The following ANKRD16 variants were observed in gnomAD, a reference collection of about 807,000 sequenced individuals.
ANKRD16 encodes the protein ankyrin repeat domain-containing protein 16.
Under a neutral mutation model 37.9 loss-of-function variants are expected in ANKRD16, and 35 were observed. That is an observed-to-expected ratio of 0.92 (90% CI 0.71 to 1.23). ANKRD16 has a LOEUF of 1.23. Among genes scored for constraint, ANKRD16 ranks in the 50% most tolerant of loss-of-function variants. The pLI is 0.00. For synonymous variants in ANKRD16, 206 were observed against 197.2 expected, an observed-to-expected ratio of 1.04 and a Z score of -0.37; for missense variants, 480 against 469.9, an observed-to-expected ratio of 1.02 and a Z score of -0.20.
At chr10:5,888,450 T>C (rs971347355) in intron 1 of ANKRD16, among the ~76,000 whole-genome samples, 28 of 152,202 alleles carry the variant, frequency 1.8e-4, no homozygotes, top group African/African-American at 6.5e-4. Context: ...TTCCTAAAGA[T>C]GTTCACGCCC....
Position 5,889,215 on chromosome 10 carries a change from T to C in ANKRD16, c.140A>G (p.His47Arg). Reference sequence around the variant, plus strand: ...ATAGGCCAGCACGTCCCGATGCCCGTGGCGCGCGGCGCAGTGCAGGAGGGT... The same window carrying C: ...ATAGGCCAGCACGTCCCGATGCCCGCGGCGCGCGGCGCAGTGCAGGAGGGT... ...GDTLLHCAAR[H>R]GHRDVLAYLA... The change falls in exon 1 of 8, where the codon CAC becomes CGC. Residue 47 changes from histidine (H) to arginine (R), a missense_variant. Coordinates refer to ENST00000380094, the MANE Select transcript of ANKRD16 (RefSeq NM_019046.3). 2 of 1,594,222 alleles carry C rather than the reference T, an allele frequency of 1.3e-6. No homozygotes were observed. Among genetic ancestry groups the C allele is most frequent in the Non-Finnish European group, 1.7e-6 (2 of 1,178,002 alleles).
chr10:5,889,461 T>G lies in ANKRD16; in HGVS notation c.-107A>C. ...GGACTTTCCGCCTCTTCACGCAACC[T>G]GCCCCGCGCGCCCCGAACCCGGCAG... On this transcript the variant is annotated 5_prime_UTR_variant, in exon 1 of 8. Transcript: ENST00000380094. The G allele has an allele frequency of 2.4e-6, 2 of 821,628 alleles. No homozygotes were observed. Among genetic ancestry groups the G allele is most frequent in the Non-Finnish European group, 1.5e-6 (1 of 645,208 alleles). The allele number at this position is 821,628 out of a possible 1,614,324, so 50.9% of individuals were successfully genotyped here. A position where few individuals can be genotyped will look rare whatever the true frequency, so the allele number is the denominator to read the frequency against.
rs573017837 is a variant in ANKRD16, at chr10:5,886,540, G to A, written c.536-775C>T. On this transcript the variant is annotated intron_variant, in intron 2 of 7. Transcript: ENST00000380094. The stretch of plus-strand genomic sequence containing the variant: ...TGCGAGGCAGAGGTTGCAGTGAGCC[G>A]AGATCGTGCCACTGTATTCCAGCCT... 3.4e-3 allele frequency among the ~76,000 whole-genome samples: 524 copies of A among 152,256 alleles called. 3 individuals carry two copies. Among genetic ancestry groups the A allele is most frequent in the African/African-American group, 0.012 (491 of 41,552 alleles).
At chr10:5,884,329 T>C (rs1842376812) in intron 3 of ANKRD16, among the ~76,000 whole-genome samples, 1 of 152,240 alleles carries the variant, frequency 6.6e-6, no homozygotes, top group African/African-American at 2.4e-5. Context: ...TCTCTTCAGC[T>C]TCCTGCACCA....
chr10:5,867,239 T>C (rs1285100777), intron 7 of ANKRD16, among the ~76,000 whole-genome samples: 1 of 152,170 alleles, frequency 6.6e-6, no homozygotes, highest in Non-Finnish European at 1.5e-5. Flanking sequence ...GGGATCTAAC[T>C]CTTAACTAAT....
In ANKRD16 at chr10:5,866,028, C is replaced by T. The variant is rs1043098568; in HGVS notation, c.*34-3337G>A. Reference sequence around the variant, plus strand: ...GTTTATGGGTAGTTGCAGCGGTGGCCGTCTCAGTGTTAGAGGCTATCAAAA... The same window carrying T: ...GTTTATGGGTAGTTGCAGCGGTGGCTGTCTCAGTGTTAGAGGCTATCAAAA... On this transcript the variant is annotated intron_variant, in intron 7 of 7. Transcript: ENST00000380094. The surrounding 1 kb of genome is among the most constrained non-coding windows in gnomAD (Gnocchi z 4.3). Among the ~76,000 whole-genome samples, 1 of 152,100 alleles carries T rather than the reference C, an allele frequency of 6.6e-6. No homozygotes were observed. Among genetic ancestry groups the T allele is most frequent in the African/African-American group, 2.4e-5 (1 of 41,402 alleles).
In ANKRD16 at chr10:5,865,585, C is replaced by T. The variant is rs1026055804; in HGVS notation, c.*34-2894G>A. ...AGACAGCTGTCCTCAAGGTCTGTTA[C>T]CATCCAAGGAATCCTGGGACAGCCT... On this transcript the variant is annotated intron_variant, in intron 7 of 7. Coordinates refer to ENST00000380094, the MANE Select transcript of ANKRD16 (RefSeq NM_019046.3). This position sits in a 1 kb window ranked among gnomAD's most constrained non-coding sequence, Gnocchi z 4.7. 6.6e-6 allele frequency among the ~76,000 whole-genome samples: 1 copy of T among 152,218 alleles called. No homozygotes were observed. Among genetic ancestry groups the T allele is most frequent in the Non-Finnish European group, 1.5e-5 (1 of 68,036 alleles).
At chr10:5,881,199 T>G (rs2131772758) in intron 5 of ANKRD16, 1 of 498,126 alleles carries the variant, frequency 2.0e-6, no homozygotes, top group South Asian at 8.6e-5. Flanking sequence ...ATATAGATGA[T>G]CAACTCTGTG....
Position 5,865,812 on chromosome 10 carries a change from G to A in ANKRD16, c.*34-3121C>T, listed in dbSNP as rs997929942. ...GCTTGAGGAGGGAATCAACCCTGAA[G>A]TCTGGGCATTGGAAGGAACAAACTC... On this transcript the variant is annotated intron_variant, in intron 7 of 7. Coordinates refer to ENST00000380094, the MANE Select transcript of ANKRD16 (RefSeq NM_019046.3). This position sits in a 1 kb window ranked among gnomAD's most constrained non-coding sequence, Gnocchi z 4.7. 6.6e-6 allele frequency among the ~76,000 whole-genome samples: 1 copy of A among 152,230 alleles called. No homozygotes were observed. The highest frequency in any genetic ancestry group is 2.4e-5 in the African/African-American group (1 of 41,454).
At chr10:5,877,898 G>A (rs1340565969) in intron 7 of ANKRD16, among the ~76,000 whole-genome samples, 199 bp downstream of exon 7, 4 of 152,132 alleles carry the variant, frequency 2.6e-5, no homozygotes, top group African/African-American at 9.7e-5. Context: ...ATGGACTACG[G>A]GAAGATTATG....
chr10:5,868,303 T>G lies in ANKRD16; in HGVS notation c.*34-5612A>C, dbSNP rs1046404363. Among the ~76,000 whole-genome samples the G allele has an allele frequency of 6.6e-6, 1 of 152,140 alleles. No homozygotes were observed. The highest frequency in any genetic ancestry group is 1.5e-5 in the Non-Finnish European group (1 of 68,018). ...TAAAGAGTTCCCCTCTAGAGGACACTACAACTGCAGGGACCCTTCTTTGCC... is the reference window on the plus strand; with the variant it reads ...TAAAGAGTTCCCCTCTAGAGGACACGACAACTGCAGGGACCCTTCTTTGCC... On this transcript the variant is annotated intron_variant, in intron 7 of 7. Coordinates refer to ENST00000380094, the MANE Select transcript of ANKRD16 (RefSeq NM_019046.3). The surrounding 1 kb of genome is among the most constrained non-coding windows in gnomAD (Gnocchi z 4.9).
intron 5 of ANKRD16, among the ~76,000 whole-genome samples, chr10:5,881,438 T>TTATAAATATATATATA (rs1422263395): frequency 0.047 from 2,387 of 50,626 alleles, 258 homozygotes; most frequent in East Asian, 0.084. Context: ...AAAATATTAT[T>TTATAAATATATATATA]TATATATATA....
At chr10:5,873,617 A>C (rs1208803516) in intron 7 of ANKRD16, among the ~76,000 whole-genome samples, 1 of 152,160 alleles carries the variant, frequency 6.6e-6, no homozygotes, top group African/African-American at 2.4e-5. Flanking sequence ...ATTAAAAGGG[A>C]CATTTTTCTG....
In ANKRD16 at chr10:5,885,280, A is replaced by G. The variant is rs368936230; in HGVS notation, c.578+443T>C. On this transcript the variant is annotated intron_variant, in intron 3 of 7. Transcript: ENST00000380094. Reference sequence around the variant, plus strand: ...ACTGCAAGCTCCGCCTCTTGGGTTCACGCCATTCTCCTGCCTCAGCTTCCT... The same window carrying G: ...ACTGCAAGCTCCGCCTCTTGGGTTCGCGCCATTCTCCTGCCTCAGCTTCCT... Among the ~76,000 whole-genome samples the G allele has an allele frequency of 2.0e-5, 3 of 152,180 alleles. No homozygotes were observed. The East Asian group carries it at 5.8e-4, about 29-fold the overall frequency.
chr10:5,885,258 G>A (rs1357278870), intron 3 of ANKRD16, among the ~76,000 whole-genome samples: 1 of 151,994 alleles, frequency 6.6e-6, no homozygotes, highest in Non-Finnish European at 1.5e-5. Context: ...TCGGCTCACT[G>A]CAAGCTCCGC....
Position 5,887,957 on chromosome 10 carries a change from T to C in ANKRD16, c.425A>G (p.His142Arg). Residue 142 changes from histidine (H) to arginine (R), a missense_variant, in exon 2 of 8, where the codon CAC becomes CGC. Coordinates refer to ENST00000380094, the MANE Select transcript of ANKRD16 (RefSeq NM_019046.3). Reference protein sequence around the residue: ...LKNKDGWNSFHIASREGDPLI... With the variant: ...LKNKDGWNSFRIASREGDPLI... Reference sequence around the variant, plus strand: ...AGGGTCGCCTTCTCGACTGGCAATGTGGAAACTGTTCCAGCCATCTTTGTT... The same window carrying C: ...AGGGTCGCCTTCTCGACTGGCAATGCGGAAACTGTTCCAGCCATCTTTGTT... 4.3e-6 allele frequency: 7 copies of C among 1,614,214 alleles called. No homozygotes were observed. Among genetic ancestry groups the C allele is most frequent in the Non-Finnish European group, 5.9e-6 (7 of 1,180,022 alleles).
chr10:5,870,022 A>C lies in ANKRD16; in HGVS notation c.*34-7331T>G, dbSNP rs563822653. On this transcript the variant is annotated intron_variant, in intron 7 of 7. Transcript: ENST00000380094. The surrounding 1 kb of genome is among the most constrained non-coding windows in gnomAD (Gnocchi z 5.0). ...TTTCAGGATCCCTAGGTTTGAAGGA[A>C]TCTGCATTTTAACAAGACTCTAGTT... 2.6e-5 allele frequency among the ~76,000 whole-genome samples: 4 copies of C among 152,092 alleles called. No individual in the cohort carries two copies. The South Asian group carries it at 8.3e-4, about 32-fold the overall frequency.
At chr10:5,875,782 G>A (rs573210130) in intron 7 of ANKRD16, among the ~76,000 whole-genome samples, 7 of 150,844 alleles carry the variant, frequency 4.6e-5, no homozygotes, top group African/African-American at 1.2e-4. Flanking sequence ...GTGCAATCTC[G>A]GCTCACTGCA....
rs143874225 is a variant in ANKRD16 at position 5,889,201 on chromosome 10, C to A, written c.154G>T (p.Val52Leu). The change falls in exon 1 of 8, where the codon GTG becomes TTG. Residue 52 changes from valine (V) to leucine (L), a missense_variant. By Grantham distance (32) the Val-to-Leu change is conservative (BLOSUM62 1). Coordinates refer to ENST00000380094, the MANE Select transcript of ANKRD16 (RefSeq NM_019046.3). ...CAGGCCTCGGCCAGATAGGCCAGCA[C>A]GTCCCGATGCCCGTGGCGCGCGGCG... ...HCAARHGHRD[V>L]LAYLAEAWGM... is the part of the protein sequence containing the mutation. 33 of 1,596,226 alleles carry A rather than the reference C, an allele frequency of 2.1e-5. No homozygotes were observed. The African/African-American group carries it at 2.9e-4, about 14-fold the overall frequency.
Sources: allele counts gnomAD v4.1 joint callset (sites outside exome capture counted in the v4.1 genomes callset), GRCh38; gene constraint gnomAD v4.1.1; non-coding constraint Gnocchi (gnomAD v3.1); transcripts MANE v1.5; gene names NCBI Gene and HGNC (gene_info 2026-07-23, HGNC 2026-07-21).